ABHD12B: variants seen among roughly 807,000 people sequenced by gnomAD.
The protein encoded by ABHD12B is abhydrolase domain containing 12B.
In ABHD12B, 42 loss-of-function variants were observed where a neutral mutation model predicts 50.4. The ratio of observed to expected loss-of-function variants is 0.83; its 90% CI spans 0.65 to 1.08. ABHD12B has a LOEUF of 1.08. Ranked by LOEUF, ABHD12B falls within the 50% of genes least tolerant of loss-of-function variation. ABHD12B has a pLI of 0.00. For missense variants in ABHD12B, 479 were observed against 447.7 expected (o/e 1.07, Z -0.63); for synonymous variants, 167 against 160.3 (o/e 1.04, Z -0.32).
chr14:50,875,199 G>A (rs2049844400), intron 1 of ABHD12B, among the ~76,000 whole-genome samples: 1 of 152,168 alleles, frequency 6.6e-6, no homozygotes, highest in African/African-American at 2.4e-5. Context: ...AGAGAGGAGA[G>A]GTCACCATGG....
chr14:50,901,335 TTGTTAAAAACTAAAA>T (rs903085167), intron 9 of ABHD12B, among the ~76,000 whole-genome samples: 3 of 152,368 alleles, frequency 2.0e-5, no homozygotes, highest in African/African-American at 7.2e-5. Context: ...CCTGTGGTCA[TTGTTAAAAACTAAAA>T]TGTCTTTTAA....
chr14:50,878,140 C>A, intron 2 of ABHD12B, 61 bp downstream of exon 2: 29 of 1,361,920 alleles, frequency 2.1e-5, no homozygotes, highest in Non-Finnish European at 2.7e-5. Flanking sequence ...GACCTCAGTA[C>A]CCTTAAAGTT....
chr14:50,899,479 T>A (rs1005918831), intron 9 of ABHD12B, among the ~76,000 whole-genome samples: 1 of 152,246 alleles, frequency 6.6e-6, no homozygotes, highest in Non-Finnish European at 1.5e-5. Flanking sequence ...TAATTTCTTT[T>A]TCTTTTTAAA....
chr14:50,897,964 A>C (rs1275775294), intron 9 of ABHD12B, among the ~76,000 whole-genome samples: 4 of 152,206 alleles, frequency 2.6e-5, no homozygotes, highest in South Asian at 2.1e-4. Context: ...CTGAAGAGAG[A>C]GGCTTTGCTC....
chr14:50,898,839 T>C (rs1311612273), intron 9 of ABHD12B, among the ~76,000 whole-genome samples: 1 of 152,152 alleles, frequency 6.6e-6, no homozygotes, highest in Non-Finnish European at 1.5e-5. Flanking sequence ...CACACCTGAA[T>C]GCAGATCAGT....
chr14:50,875,859 A>G (rs917389783), intron 1 of ABHD12B, among the ~76,000 whole-genome samples: 1 of 152,216 alleles, frequency 6.6e-6, no homozygotes, highest in Non-Finnish European at 1.5e-5. Flanking sequence ...ATTTCCCTCT[A>G]CTGCCTCTGC....
intron 9 of ABHD12B, chr14:50,893,215 A>G (rs1287924449): frequency 1.3e-5 from 2 of 152,282 alleles, no homozygotes; most frequent in Non-Finnish European, 2.9e-5. Context: ...ACTTGCAGGT[A>G]TCTGCCCAGA....
chr14:50,878,120 C>A, intron 2 of ABHD12B, 41 bp downstream of exon 2: 1 of 1,473,278 alleles, frequency 6.8e-7, no homozygotes, highest in Non-Finnish European at 9.0e-7. Flanking sequence ...TATAATTTTT[C>A]CCAAATAAAG....
chr14:50,876,514 G>T (rs573805627), intron 1 of ABHD12B, among the ~76,000 whole-genome samples: 2 of 152,288 alleles, frequency 1.3e-5, no homozygotes, highest in South Asian at 4.1e-4. Flanking sequence ...AGAGGGCTAA[G>T]GTGCAGAAGG....
At position 50,885,737 on chromosome 14, in the gene ABHD12B, A is replaced by C. The variant is rs149510941; in HGVS notation, c.533-29A>C. On this transcript the variant is annotated intron_variant, in intron 6 of 12. Coordinates refer to ENST00000337334, the MANE Select transcript of ABHD12B (RefSeq NM_001206673.2). ...ATGACCCCTCATTTTGAAGGCAGTGATACTGTGTTTGCCTTTTCTTGCTGC... is the reference window on the plus strand; with the variant it reads ...ATGACCCCTCATTTTGAAGGCAGTGCTACTGTGTTTGCCTTTTCTTGCTGC... The C allele has an allele frequency of 4.0e-4, 644 of 1,614,138 alleles. 1 individual carries two copies. The highest frequency in any genetic ancestry group is 3.1e-3 in the Middle Eastern group (19 of 6,062).
At chr14:50,899,270 C>G (rs984745488) in intron 9 of ABHD12B, among the ~76,000 whole-genome samples, 3 of 152,202 alleles carry the variant, frequency 2.0e-5, no homozygotes, top group Admixed American at 2.0e-4. Flanking sequence ...AACTATGAAG[C>G]AGCAATTTGT....
chr14:50,903,828 C>A (rs1368670351), intron 11 of ABHD12B, among the ~76,000 whole-genome samples: 2 of 152,142 alleles, frequency 1.3e-5, no homozygotes, highest in East Asian at 3.9e-4. Context: ...ATAACAATTC[C>A]TTGGCATTTT....
At chr14:50,900,122 C>T (rs2050246527) in intron 9 of ABHD12B, among the ~76,000 whole-genome samples, 1 of 151,842 alleles carries the variant, frequency 6.6e-6, no homozygotes, top group African/African-American at 2.4e-5. Context: ...GTCCCAGCTA[C>T]TATGGAGGCT....
chr14:50,887,550 T>G (rs2050060174), intron 8 of ABHD12B, among the ~76,000 whole-genome samples: 1 of 152,206 alleles, frequency 6.6e-6, no homozygotes, highest in South Asian at 2.1e-4. Flanking sequence ...CTTTTGTGTG[T>G]GTGTGTTTTG....
intron 1 of ABHD12B, among the ~76,000 whole-genome samples, chr14:50,876,189 T>C (rs1447217199): frequency 6.6e-6 from 1 of 152,226 alleles, no homozygotes; most frequent in Non-Finnish European, 1.5e-5. Flanking sequence ...TATGAAACAA[T>C]CATTTTCATT....
At chr14:50,876,341 C>T (rs1013348604) in intron 1 of ABHD12B, among the ~76,000 whole-genome samples, 5 of 152,178 alleles carry the variant, frequency 3.3e-5, no homozygotes, top group African/African-American at 9.7e-5. Context: ...CTTCTCTCTT[C>T]GTGCCTCTTC....
rs553983523 is a variant in ABHD12B at position 50,893,021 on chromosome 14, T to C, written c.780+4118T>C. On this transcript the variant is annotated intron_variant, in intron 9 of 12. Coordinates refer to ENST00000337334, the MANE Select transcript of ABHD12B (RefSeq NM_001206673.2). ...GTGTATGATTTTAGTCTTTTGAAAT[T>C]TGTTGAGACTCACTTTGTGTACCAA... is the stretch of plus-strand genomic sequence containing the variant. The C allele has an allele frequency of 2.0e-5, 3 of 152,342 alleles. No individual in the cohort carries two copies. The South Asian group carries it at 6.2e-4, about 32-fold the overall frequency. 9.4% of individuals were successfully genotyped at this position (152,342 alleles called of 1,614,324 possible). A position where few individuals can be genotyped will look rare whatever the true frequency, so the allele number is the denominator to read the frequency against.
In ABHD12B at chr14:50,894,562, C is replaced by T. The variant is rs557520402; in HGVS notation, c.780+5659C>T. 3.0e-4 allele frequency among the ~76,000 whole-genome samples: 46 copies of T among 152,224 alleles called. No individual in the cohort carries two copies. In the East Asian group the frequency reaches 6.4e-3, roughly 21 times the overall value. On this transcript the variant is annotated intron_variant, in intron 9 of 12. Transcript: ENST00000337334. ...AATGACTTATTTTCTTCTGCAATGCCGCTTGACCCCAATACAAACCGACAG... is the reference window on the plus strand; with the variant it reads ...AATGACTTATTTTCTTCTGCAATGCTGCTTGACCCCAATACAAACCGACAG...
rs1279793730 is a variant in ABHD12B, at chr14:50,878,093, T to G, written c.232+14T>G. 1 of 1,502,954 alleles carries G rather than the reference T, an allele frequency of 6.7e-7. No homozygotes were observed. Among genetic ancestry groups the G allele is most frequent in the East Asian group, 2.5e-5 (1 of 40,526 alleles). 93.1% of individuals were successfully genotyped at this position (1,502,954 alleles called of 1,614,324 possible). ...ATTTTAATTTTTGTAAGTATGGACC[T>G]TCCATAAATTTTCCTATATAATTTT... On this transcript the variant is annotated intron_variant, in intron 2 of 12. Transcript: ENST00000337334.
Sources: gnomAD v4.1 joint callset for allele counts (sites outside exome capture counted in the v4.1 genomes callset) on GRCh38, gnomAD v4.1.1 for gene constraint, MANE v1.5 for transcripts, NCBI Gene and HGNC (gene_info 2026-07-23, HGNC 2026-07-21) for gene names.